PYGO1: variants seen among roughly 807,000 people sequenced by gnomAD.
The protein encoded by PYGO1 is pygopus family PHD finger 1.
A neutral mutation model predicts 29.5 loss-of-function variants in PYGO1; 6 were observed. That is an observed-to-expected ratio of 0.20 (90% CI 0.11 to 0.40). The LOEUF is 0.40. Among genes scored for constraint, PYGO1 ranks in the 10% least tolerant of loss-of-function variants. The probability of loss-of-function intolerance (pLI) is 1.00; values close to 1 mark genes in which losing one functional copy is unlikely to be tolerated. For missense variants in PYGO1, 515 were observed against 514.9 expected (o/e 1.00, Z 0.00); for synonymous variants, 186 against 180.5 (o/e 1.03, Z -0.24).
rs545235 is a variant in PYGO1 at position 55,586,984 on chromosome 15, A to G, written c.49+851T>C. ...TCTGCTTTGTTCACTGCTGTATCCC[A>G]GTAACAAGAACAGTGTCTAGCACAT... On this transcript the variant is annotated intron_variant, in intron 1 of 2. Coordinates refer to ENST00000563719, the MANE Select transcript of PYGO1 (RefSeq NM_001367806.1). Among the ~76,000 whole-genome samples, 227 of 152,360 alleles carry G rather than the reference A, an allele frequency of 1.5e-3. 4 individuals carry two copies. The East Asian group carries it at 0.042, about 28-fold the overall frequency.
At chr15:55,575,877 A>G (rs1311435308) in intron 1 of PYGO1, among the ~76,000 whole-genome samples, 1 of 152,164 alleles carries the variant, frequency 6.6e-6, no homozygotes, top group Non-Finnish European at 1.5e-5. Flanking sequence ...TATACTCCAC[A>G]GGGCCCCTCC....
At chr15:55,586,815 A>C (rs1262627449) in intron 1 of PYGO1, among the ~76,000 whole-genome samples, 1 of 152,110 alleles carries the variant, frequency 6.6e-6, no homozygotes, top group Non-Finnish European at 1.5e-5. Context: ...TACAATCCAT[A>C]CTTCCCATCC....
chr15:55,571,764 G>A (rs899087353), intron 1 of PYGO1, among the ~76,000 whole-genome samples: 6 of 152,122 alleles, frequency 3.9e-5, no homozygotes, highest in South Asian at 4.1e-4. Context: ...TCCAGTATTC[G>A]TCTTTCTGTG....
intron 1 of PYGO1, among the ~76,000 whole-genome samples, chr15:55,574,650 G>A (rs1595992270): frequency 3.6e-4 from 1 of 2,784 alleles, no homozygotes; most frequent in African/African-American, 5.8e-4. Flanking sequence ...TACTGTATAT[G>A]TGTGTGTGTG....
chr15:55,588,950 T>G, upstream of PYGO1: 1 of 1,052,700 alleles, frequency 9.5e-7, no homozygotes, highest in African/African-American at 1.6e-5. Flanking sequence ...ACTTGACTCT[T>G]CAAGAAAGAG....
At chr15:55,575,902 A>G (rs2058999557) in intron 1 of PYGO1, among the ~76,000 whole-genome samples, 1 of 152,184 alleles carries the variant, frequency 6.6e-6, no homozygotes. Flanking sequence ...AGTTTGTACA[A>G]TTTAATAATT....
intron 1 of PYGO1, among the ~76,000 whole-genome samples, chr15:55,581,873 G>T (rs1309033115): frequency 6.6e-6 from 1 of 152,116 alleles, no homozygotes; most frequent in Non-Finnish European, 1.5e-5. Flanking sequence ...CTAAAATAAA[G>T]CAGCAGCTAT....
chr15:55,564,685 T>A (rs565014882), intron 1 of PYGO1, among the ~76,000 whole-genome samples: 1 of 152,332 alleles, frequency 6.6e-6, no homozygotes, highest in South Asian at 2.1e-4. Flanking sequence ...CTGAAATGTA[T>A]ACTCTAAGAT....
intron 1 of PYGO1, among the ~76,000 whole-genome samples, chr15:55,585,247 G>C (rs1342448922): frequency 1.3e-5 from 2 of 152,098 alleles, no homozygotes; most frequent in Non-Finnish European, 2.9e-5. Context: ...TCCTAAGCAA[G>C]GTATTTGGTG....
At chr15:55,550,787 T>G (rs187665968) in intron 1 of PYGO1, among the ~76,000 whole-genome samples, 6 of 152,220 alleles carry the variant, frequency 3.9e-5, no homozygotes, top group Non-Finnish European at 8.8e-5. Flanking sequence ...GTTTGATATA[T>G]CTTGATTTTG....
chr15:55,559,886 G>T (rs187942443), intron 1 of PYGO1, among the ~76,000 whole-genome samples: 186 of 152,226 alleles, frequency 1.2e-3, no homozygotes, highest in African/African-American at 3.8e-3. Context: ...TGATTCAACA[G>T]ATGAAAATCA....
intron 1 of PYGO1, among the ~76,000 whole-genome samples, chr15:55,566,626 T>C (rs2058958157): frequency 6.6e-6 from 1 of 152,176 alleles, no homozygotes; most frequent in African/African-American, 2.4e-5. Flanking sequence ...AGTAGTTCTG[T>C]TTTAATTTAT....
At chr15:55,577,002 A>G (rs899735514) in intron 1 of PYGO1, among the ~76,000 whole-genome samples, 2 of 99,166 alleles carry the variant, frequency 2.0e-5, no homozygotes, top group African/African-American at 2.9e-5. Flanking sequence ...GATAGCAACA[A>G]AGATAAAAAA....
intron 1 of PYGO1, among the ~76,000 whole-genome samples, chr15:55,578,821 T>A (rs567569595): frequency 2.0e-5 from 3 of 152,314 alleles, no homozygotes; most frequent in Non-Finnish European, 4.4e-5. Context: ...CAGTATCCCT[T>A]GACACTCACA....
intron 1 of PYGO1, among the ~76,000 whole-genome samples, chr15:55,587,357 T>A (rs117957700): frequency 2.0e-5 from 3 of 149,142 alleles, no homozygotes; most frequent in Admixed American, 6.6e-5. Flanking sequence ...AACTGAATAT[T>A]TGTTGCCTTT....
intron 1 of PYGO1, among the ~76,000 whole-genome samples, chr15:55,580,549 C>A (rs1271140842): frequency 6.6e-6 from 1 of 152,210 alleles, no homozygotes; most frequent in Non-Finnish European, 1.5e-5. Flanking sequence ...CTTCCAACAA[C>A]TCCATGAGAT....
intron 1 of PYGO1, among the ~76,000 whole-genome samples, chr15:55,559,323 G>A (rs1156952444): frequency 6.6e-6 from 1 of 151,936 alleles, no homozygotes; most frequent in Non-Finnish European, 1.5e-5. Context: ...TAAAAAGTCA[G>A]GAAACAACAG....
intron 1 of PYGO1, among the ~76,000 whole-genome samples, chr15:55,580,364 G>A (rs2059020443): frequency 6.6e-6 from 1 of 152,110 alleles, no homozygotes; most frequent in Non-Finnish European, 1.5e-5. Context: ...ATAAGAATCT[G>A]CTGTAGGTTA....
chr15:55,575,573 G>C (rs189206025), intron 1 of PYGO1, among the ~76,000 whole-genome samples: 28 of 152,216 alleles, frequency 1.8e-4, no homozygotes, highest in Non-Finnish European at 2.6e-4. Flanking sequence ...TGCCAACAAG[G>C]TGTGCTAGAG....
Sources: gnomAD v4.1 joint callset for allele counts (sites outside exome capture counted in the v4.1 genomes callset) on GRCh38, gnomAD v4.1.1 for gene constraint, MANE v1.5 for transcripts, NCBI Gene and HGNC (gene_info 2026-07-23, HGNC 2026-07-21) for gene names.